HRH1: variants seen among roughly 807,000 people sequenced by gnomAD.
HRH1 encodes histamine H1 receptor.
HRH1 carries 6 observed loss-of-function variants against 10.3 expected under a neutral mutation model. That is an observed-to-expected ratio of 0.58 (90% confidence interval 0.32 to 1.15). HRH1 has a LOEUF of 1.15. HRH1 is among the 50% of genes most tolerant of loss of function. The pLI is 0.05. For synonymous variants in HRH1, 242 were observed against 236.7 expected (o/e 1.02, Z -0.21); for missense variants, 514 against 615.3 (o/e 0.84, Z 1.74).
rs537685477 is a variant in HRH1, at chr3:11,239,529, A to G, written c.-35-19474A>G. Among the ~76,000 whole-genome samples the G allele has an allele frequency of 1.8e-3, 269 of 152,302 alleles. 1 individual carries two copies. The highest frequency in any genetic ancestry group is 2.4e-3 in the Non-Finnish European group (166 of 68,022). On this transcript the variant is annotated intron_variant, in intron 1 of 1. Coordinates refer to ENST00000431010, the MANE Select transcript of HRH1 (RefSeq NM_001098212.2). ...AAGTTTCTCATCTTGATGAAGTCCA[A>G]TTTAGCAGTTTTTAAAAATTCCTTA...
chr3:11,158,318 A>C (rs1474283186), intron 1 of HRH1, among the ~76,000 whole-genome samples: 1 of 152,272 alleles, frequency 6.6e-6, no homozygotes, highest in African/African-American at 2.4e-5. Context: ...GTATTTATAC[A>C]GCACTCTGCA....
intron 1 of HRH1, among the ~76,000 whole-genome samples, chr3:11,202,489 T>G (rs1937966704): frequency 6.6e-6 from 1 of 152,092 alleles, no homozygotes; most frequent in South Asian, 2.1e-4. Context: ...AACTAGATGA[T>G]TTCTAAGACT....
chr3:11,178,951 G>A (rs114744195), intron 1 of HRH1, among the ~76,000 whole-genome samples: 3,395 of 152,280 alleles, frequency 0.022, 133 homozygotes, highest in African/African-American at 0.078. Flanking sequence ...AGTGCCTGGC[G>A]TGGAGTAGGT....
At chr3:11,179,336 C>T (rs1168131224) in intron 1 of HRH1, among the ~76,000 whole-genome samples, 1 of 151,310 alleles carries the variant, frequency 6.6e-6, no homozygotes, top group Non-Finnish European at 1.5e-5. Flanking sequence ...GAAAGTCAGC[C>T]AGGGCCGGGC....
At chr3:11,210,762 C>T (rs1938300997) in intron 1 of HRH1, among the ~76,000 whole-genome samples, 1 of 148,442 alleles carries the variant, frequency 6.7e-6, no homozygotes, top group Admixed American at 6.7e-5. Context: ...CACTGCACTC[C>T]AGCCTATGCA....
At chr3:11,149,245 A>C (rs919760655) in intron 1 of HRH1, among the ~76,000 whole-genome samples, 2 of 152,190 alleles carry the variant, frequency 1.3e-5, no homozygotes, top group Non-Finnish European at 2.9e-5. Context: ...ATTTTTAAAA[A>C]CCAGCCAGAG....
chr3:11,211,272 T>C (rs1332140033), intron 1 of HRH1, among the ~76,000 whole-genome samples: 2 of 152,088 alleles, frequency 1.3e-5, no homozygotes, highest in Non-Finnish European at 2.9e-5. Context: ...TTAGCAATGT[T>C]GGTGCCCAAA....
intron 1 of HRH1, among the ~76,000 whole-genome samples, chr3:11,137,650 A>C (rs1936208948): frequency 6.6e-6 from 1 of 151,946 alleles, no homozygotes; most frequent in African/African-American, 2.4e-5. Flanking sequence ...ATGGGGGAGG[A>C]GTCCAGTCAG....
At chr3:11,165,473 T>C (rs1937012562) in intron 1 of HRH1, among the ~76,000 whole-genome samples, 1 of 152,198 alleles carries the variant, frequency 6.6e-6, no homozygotes, top group Non-Finnish European at 1.5e-5. Context: ...GGGGGTTTTT[T>C]TCCTCTGTTA....
In HRH1 at chr3:11,262,045, G is replaced by T. The variant is rs1261481979; in HGVS notation, c.*1544G>T. On this transcript the variant is annotated 3_prime_UTR_variant, in exon 2 of 2. Coordinates refer to ENST00000431010, the MANE Select transcript of HRH1 (RefSeq NM_001098212.2). ...TGAGTTCTGTTGTGTTTGTCAAAAA[G>T]TCATTGTAATCTTTCATAGCCATAC... 1 of 167,020 alleles carries T rather than the reference G, an allele frequency of 6.0e-6. No individual in the cohort carries two copies. The highest frequency in any genetic ancestry group is 1.5e-5 in the Non-Finnish European group (1 of 68,100). 10.3% of individuals were successfully genotyped at this position (167,020 alleles called of 1,614,324 possible).
At chr3:11,255,224 A>T (rs1230327526) in intron 1 of HRH1, among the ~76,000 whole-genome samples, 1 of 152,216 alleles carries the variant, frequency 6.6e-6, no homozygotes, top group Non-Finnish European at 1.5e-5. Context: ...CAGCTTGGGC[A>T]ATGAGAGTGA....
intron 1 of HRH1, among the ~76,000 whole-genome samples, chr3:11,158,328 A>C (rs1370692561): frequency 1.3e-5 from 2 of 152,248 alleles, no homozygotes; most frequent in Non-Finnish European, 2.9e-5. Flanking sequence ...AGCACTCTGC[A>C]AAGTGCTTTC....
chr3:11,176,748 G>A (rs994174032), intron 1 of HRH1, among the ~76,000 whole-genome samples: 1 of 152,162 alleles, frequency 6.6e-6, no homozygotes, highest in African/African-American at 2.4e-5. Context: ...AATAGAATTC[G>A]AACAGGACTA....
intron 1 of HRH1, among the ~76,000 whole-genome samples, chr3:11,157,204 G>A (rs182819608): frequency 2.0e-5 from 3 of 152,232 alleles, no homozygotes; most frequent in African/African-American, 4.8e-5. Context: ...CCTGGGCATC[G>A]GCTTCCTTAT....
At chr3:11,234,503 G>T in intron 1 of HRH1, 1 of 1,452,338 alleles carries the variant, frequency 6.9e-7, no homozygotes, top group Non-Finnish European at 9.7e-7. Flanking sequence ...GGGGCCGCTG[G>T]CCATTCCCCC....
rs199941502 is a variant in HRH1, at chr3:11,252,315, C to T, written c.-35-6688C>T. Among the ~76,000 whole-genome samples the T allele has an allele frequency of 7.9e-5, 12 of 152,228 alleles. No individual in the cohort carries two copies. The South Asian group carries it at 1.9e-3, about 24-fold the overall frequency. ...CAAATTGGAGTTTGTTTTTCGAGGC[C>T]GTTAACCCTTCATCCCACAGAAAAT... On this transcript the variant is annotated intron_variant, in intron 1 of 1. Transcript: ENST00000431010.
intron 1 of HRH1, among the ~76,000 whole-genome samples, chr3:11,217,381 T>TA (rs1318487258): frequency 6.6e-6 from 1 of 151,526 alleles, no homozygotes; most frequent in Non-Finnish European, 1.5e-5. Context: ...ATACAAAAAT[T>TA]ATCCCGGCAT....
At chr3:11,157,705 C>G (rs1027801570) in intron 1 of HRH1, among the ~76,000 whole-genome samples, 1 of 152,160 alleles carries the variant, frequency 6.6e-6, no homozygotes, top group Non-Finnish European at 1.5e-5. Context: ...GGGCCAGGAT[C>G]GAAGCTGACA....
chr3:11,234,740 G>A (rs561810408), intron 1 of HRH1, among the ~76,000 whole-genome samples: 5 of 152,228 alleles, frequency 3.3e-5, no homozygotes, highest in East Asian at 1.9e-4. Context: ...GTAGCTTCAC[G>A]CCATGACCTC....
Sources: gnomAD v4.1 joint callset for allele counts (sites outside exome capture counted in the v4.1 genomes callset) on GRCh38, gnomAD v4.1.1 for gene constraint, MANE v1.5 for transcripts, NCBI Gene and HGNC (gene_info 2026-07-23, HGNC 2026-07-21) for gene names.